Variants in BCR observed in about 807,000 individuals in gnomAD.
The protein encoded by BCR is BCR activator of RhoGEF and GTPase.
In BCR, 58 loss-of-function variants were observed where a neutral mutation model predicts 138.6. The ratio of observed to expected loss-of-function variants is 0.42; its 90% CI spans 0.34 to 0.52. The LOEUF (loss-of-function observed/expected upper bound fraction) is 0.52. Among genes scored for constraint, BCR ranks in the 20% least tolerant of loss-of-function variants. The pLI, the probability that BCR is intolerant of heterozygous loss-of-function variation, is 0.06. For missense variants in BCR, 1,599 were observed against 1,727.2 expected, an observed-to-expected ratio of 0.93 and a Z score of 1.32; for synonymous variants, 786 against 730.1, an observed-to-expected ratio of 1.08 and a Z score of -1.23.
chr22:23,226,321 AGAGAGAGTGTGTGTGT>A (rs2072893009), intron 1 of BCR, among the ~76,000 whole-genome samples: 2 of 146,574 alleles, frequency 1.4e-5, no homozygotes, highest in African/African-American at 5.2e-5. Flanking sequence ...AGAGAGAGAG[AGAGAGAGTGTGTGTGT>A]GTGTGTGTGT....
At chr22:23,272,384 G>C (rs557018184) in intron 6 of BCR, among the ~76,000 whole-genome samples, 1 of 152,300 alleles carries the variant, frequency 6.6e-6, no homozygotes, top group Non-Finnish European at 1.5e-5. Context: ...AGTGCCTTAT[G>C]CTGGTTGTGG....
intron 1 of BCR, among the ~76,000 whole-genome samples, chr22:23,231,473 C>T (rs1290307405): frequency 6.6e-6 from 1 of 151,422 alleles, no homozygotes; most frequent in Non-Finnish European, 1.5e-5. Context: ...TGCCACTGCA[C>T]TCCAGCCTAG....
intron 19 of BCR, chr22:23,312,588 T>C: frequency 2.3e-6 from 1 of 443,450 alleles, no homozygotes; most frequent in Non-Finnish European, 4.2e-6. Context: ...GGTTGCTATG[T>C]ACAGGGCAGA....
At chr22:23,254,131 A>T (rs2073266185) in intron 2 of BCR, 151 bp downstream of exon 2, 5 of 869,364 alleles carry the variant, frequency 5.8e-6, no homozygotes, top group Non-Finnish European at 8.6e-6. Flanking sequence ...TCATCTCTAC[A>T]TGTGGTACAC....
intron 1 of BCR, among the ~76,000 whole-genome samples, chr22:23,245,216 C>T (rs1018871620): frequency 6.6e-5 from 10 of 152,134 alleles, no homozygotes; most frequent in Admixed American, 2.0e-4. Flanking sequence ...TTCTCATCTG[C>T]GGTGTCTAGG....
At chr22:23,251,466 C>T (rs2073227904) in intron 1 of BCR, among the ~76,000 whole-genome samples, 1 of 152,154 alleles carries the variant, frequency 6.6e-6, no homozygotes, top group Non-Finnish European at 1.5e-5. Flanking sequence ...AAGTGGAGAA[C>T]CTGGGAGAGG....
At chr22:23,291,436 T>C (rs1235139011) in intron 14 of BCR, among the ~76,000 whole-genome samples, 1 of 152,036 alleles carries the variant, frequency 6.6e-6, no homozygotes, top group East Asian at 1.9e-4. Flanking sequence ...TTACATGACA[T>C]GCAGATTGCA....
chr22:23,313,190 G>A (rs1021831740), intron 20 of BCR, among the ~76,000 whole-genome samples, 169 bp downstream of exon 20: 3 of 152,194 alleles, frequency 2.0e-5, no homozygotes, highest in African/African-American at 7.2e-5. Context: ...GCCTGTCCTG[G>A]AAGGCCTTGC....
At chr22:23,268,108 G>T (rs907673652) in intron 4 of BCR, among the ~76,000 whole-genome samples, 1 of 152,220 alleles carries the variant, frequency 6.6e-6, no homozygotes, top group African/African-American at 2.4e-5. Flanking sequence ...TTCAGCTGCC[G>T]CTCATGGCAC....
chr22:23,212,973 G>C (rs1301367135), intron 1 of BCR, among the ~76,000 whole-genome samples: 1 of 152,206 alleles, frequency 6.6e-6, no homozygotes, highest in African/African-American at 2.4e-5. Context: ...GAGGCTGCCG[G>C]CCTCAAAAAG....
At chr22:23,191,115 G>T (rs1482321330) in intron 1 of BCR, among the ~76,000 whole-genome samples, 1 of 152,026 alleles carries the variant, frequency 6.6e-6, no homozygotes, top group Non-Finnish European at 1.5e-5. Context: ...AATTTTTGTT[G>T]AGACAGGGTC....
chr22:23,288,335 A>G (rs1449376515), intron 12 of BCR, among the ~76,000 whole-genome samples, 163 bp downstream of exon 12: 1 of 152,080 alleles, frequency 6.6e-6, no homozygotes, highest in Non-Finnish European at 1.5e-5. Context: ...AGCCATCCCG[A>G]TAGGCCCCCA....
chr22:23,224,148 A>T (rs1602033175), intron 1 of BCR, among the ~76,000 whole-genome samples: 1 of 152,336 alleles, frequency 6.6e-6, no homozygotes, highest in East Asian at 1.9e-4. Context: ...GCCGCCACAC[A>T]GTGGTCACTG....
At chr22:23,268,554 C>G in intron 5 of BCR, 39 bp downstream of exon 5, 1 of 1,519,394 alleles carries the variant, frequency 6.6e-7, no homozygotes, top group Non-Finnish European at 9.1e-7. Flanking sequence ...GCACCGCTGA[C>G]TCCCACCTGT....
intron 1 of BCR, among the ~76,000 whole-genome samples, chr22:23,245,995 T>C (rs2073153678): frequency 6.6e-6 from 1 of 152,214 alleles, no homozygotes; most frequent in Non-Finnish European, 1.5e-5. Flanking sequence ...TTTCTGTCTT[T>C]ATGGGTTTAC....
intron 2 of BCR, among the ~76,000 whole-genome samples, chr22:23,259,965 G>A (rs556736418): frequency 6.6e-6 from 1 of 152,316 alleles, no homozygotes; most frequent in East Asian, 1.9e-4. Context: ...TCCAGCCTGA[G>A]CGACAGAGTG....
chr22:23,196,099 A>G (rs1184576887), intron 1 of BCR, among the ~76,000 whole-genome samples: 1 of 152,170 alleles, frequency 6.6e-6, no homozygotes, highest in Admixed American at 6.5e-5. Context: ...AGTAAAATAC[A>G]CATACTCTAA....
At chr22:23,198,250 TCCGAGTGCTCC>T (rs763276773) in intron 1 of BCR, 8 of 443,364 alleles carry the variant, frequency 1.8e-5, no homozygotes, top group East Asian at 7.4e-5. Context: ...AGGATTAGGG[TCCGAGTGCTCC>T]CCGAGTGTCC....
At chr22:23,211,147 A>G (rs1229954919) in intron 1 of BCR, among the ~76,000 whole-genome samples, 1 of 152,172 alleles carries the variant, frequency 6.6e-6, no homozygotes, top group Non-Finnish European at 1.5e-5. Flanking sequence ...CATAAATGGG[A>G]TCACATGGTA....
Sources: allele counts gnomAD v4.1 joint callset (sites outside exome capture counted in the v4.1 genomes callset), GRCh38; gene constraint gnomAD v4.1.1; transcripts MANE v1.5; gene names NCBI Gene and HGNC (gene_info 2026-07-23, HGNC 2026-07-21).